Variants in FAT2 observed in about 807,000 individuals in gnomAD.
FAT2 encodes protocadherin Fat 2.
FAT2 carries 150 observed loss-of-function variants against 295.3 expected under a neutral mutation model. The observed-to-expected ratio is 0.51, with a 90% CI of 0.44 to 0.58. The LOEUF (loss-of-function observed/expected upper bound fraction) is 0.58, where lower values mean the gene tolerates loss of function less well. Ranked by LOEUF, FAT2 falls within the 20% of genes least tolerant of loss-of-function variation. FAT2 has a pLI of 0.00. For missense variants in FAT2, 4,868 were observed against 5,442.7 expected (o/e 0.89, Z 3.32); for synonymous variants, 2,026 against 2,150.3 (o/e 0.94, Z 1.60).
chr5:151,594,265 C>A (rs1440215014), upstream of FAT2, among the ~76,000 whole-genome samples: 1 of 152,190 alleles, frequency 6.6e-6, no homozygotes, highest in Non-Finnish European at 1.5e-5. Flanking sequence ...CCTCACAACC[C>A]CTGTGTGACC....
intron 5 of FAT2, 85 bp downstream of exon 5, chr5:151,554,277 G>A: frequency 4.8e-6 from 6 of 1,257,624 alleles, no homozygotes; most frequent in Admixed American, 2.2e-5. Context: ...ATGCTGGTGG[G>A]CTGTCTCCCT....
chr5:151,550,189 G>C (rs1757054365), intron 8 of FAT2, among the ~76,000 whole-genome samples: 1 of 152,196 alleles, frequency 6.6e-6, no homozygotes, highest in Non-Finnish European at 1.5e-5. Flanking sequence ...GGCCCAGAGA[G>C]TGAGCCCTCC....
rs2127590804 is a variant in FAT2 at position 151,531,530 on chromosome 5, A to G, written c.9811+57T>C. Reference sequence around the variant, plus strand: ...AGATACCCACACAGGGGAGGAACCCAGCGCTCCCAGAAACCCTGTACGCGA... The same window carrying G: ...AGATACCCACACAGGGGAGGAACCCGGCGCTCCCAGAAACCCTGTACGCGA... On this transcript the variant is annotated intron_variant, in intron 14 of 23. Transcript: ENST00000261800. This position sits in a 1 kb window ranked among gnomAD's most constrained non-coding sequence, Gnocchi z 5.7. 1 of 1,599,726 alleles carries G rather than the reference A, an allele frequency of 6.3e-7. No individual in the cohort carries two copies. Among genetic ancestry groups the G allele is most frequent in the Middle Eastern group, 2.3e-4 (1 of 4,384 alleles).
intron 5 of FAT2, 64 bp from the exon 6 acceptor site, chr5:151,553,451 A>C: frequency 6.8e-7 from 1 of 1,459,856 alleles, no homozygotes; most frequent in Admixed American, 1.8e-5. Flanking sequence ...CCAAGCAGCC[A>C]GGACAGGAAC....
chr5:151,505,727 C>T lies in FAT2; in HGVS notation c.12888G>A (p.Lys4296=). ...CTCGGCTGAGGCGCATACCCACCCCCTTGTAGCCCCCGTCTGCCAGGCAGG... is the reference window on the plus strand; with the variant it reads ...CTCGGCTGAGGCGCATACCCACCCCTTTGTAGCCCCCGTCTGCCAGGCAGG... The part of the protein sequence containing the change: ...GGPCLADGGY[K]GVGMRLSRAG... The change falls in exon 24 of 24, where the codon AAG becomes AAA. Residue 4296 remains lysine (K), a synonymous_variant. Transcript: ENST00000261800. 1 of 1,613,954 alleles carries T rather than the reference C, an allele frequency of 6.2e-7. No homozygotes were observed. The highest frequency in any genetic ancestry group is 1.1e-5 in the South Asian group (1 of 91,082).
At position 151,553,357 on chromosome 5, in the gene FAT2, G is replaced by A. The variant is rs146280178; in HGVS notation, c.3976C>T (p.Leu1326Phe). The A allele has an allele frequency of 4.4e-4, 713 of 1,614,262 alleles. 6 individuals are homozygous for A. The African/African-American group carries it at 7.5e-3, about 17-fold the overall frequency. The change falls in exon 6 of 24, where the codon CTC becomes TTC. Residue 1326 changes from leucine to phenylalanine, a missense_variant. Leu to Phe is a conservative substitution (Grantham distance 22). Coordinates refer to ENST00000261800, the MANE Select transcript of FAT2 (RefSeq NM_001447.3). ...ATGTGTAGCCGGACACTGGCTGAGA[G>A]TGGTGGCTGCCCACTGTCTGTTGCC... ...IKATDSGQPP[L>F]SASVRLHIEW...
rs531429636 is a variant in FAT2 at position 151,544,275 on chromosome 5, G to A, written c.6852C>T (p.Gly2284=). 2.5e-6 allele frequency: 4 copies of A among 1,614,228 alleles called. No homozygotes were observed. The African/African-American group carries it at 5.3e-5, about 22-fold the overall frequency. ...QLVYTTSISE[G]LPAQTPVIQL... is the part of the protein sequence containing the mutation. ...GGATCACAGGGGTCTGAGCAGGCAA[G>A]CCTTCTGAGATGGAAGTGGTATAGA... The change falls in exon 10 of 24, where the codon GGC becomes GGT. Residue 2284 remains glycine (G), a synonymous_variant. Transcript: ENST00000261800.
chr5:151,581,852 A>G (rs1322863959), intron 1 of FAT2, among the ~76,000 whole-genome samples: 1 of 152,234 alleles, frequency 6.6e-6, no homozygotes, highest in Non-Finnish European at 1.5e-5. Flanking sequence ...CAGGGATCAC[A>G]TAACCTCAGA....
chr5:151,534,529 C>A lies in FAT2; in HGVS notation c.9307G>T (p.Val3103Leu). The change falls in exon 13 of 24, where the codon GTG becomes TTG. Residue 3103 changes from valine to leucine, a missense_variant. This residue lies in a region of FAT2 where 1,046 missense variants were observed against 1,210.1 expected (regional missense o/e 0.86). Transcript: ENST00000261800. ...RSCQADITLH[V>L]EDVNDNAPRF... ...GGGGCATTGTCATTCACATCCTCCA[C>A]ATGGAGGGTGATGTCTGCCTGGCAC... The A allele has an allele frequency of 6.2e-7, 1 of 1,614,054 alleles. No homozygotes were observed. The highest frequency in any genetic ancestry group is 8.5e-7 in the Non-Finnish European group (1 of 1,179,918).
At position 151,566,708 on chromosome 5, in the gene FAT2, G is replaced by A. The variant is rs759550949; in HGVS notation, c.2224C>T (p.Pro742Ser). 1.4e-5 allele frequency: 23 copies of A among 1,613,992 alleles called. No homozygotes were observed. The highest frequency in any genetic ancestry group is 1.6e-5 in the Non-Finnish European group (19 of 1,180,026). ...AGTTTGCCATTAAAACCAGCATCAGGGTCAGTGGCTGCTAGGCGGGCCAAG... is the reference window on the plus strand; with the variant it reads ...AGTTTGCCATTAAAACCAGCATCAGAGTCAGTGGCTGCTAGGCGGGCCAAG... ...TPLARLAATD[P>S]DAGFNGKLVY... is the part of the protein sequence containing the mutation. The change falls in exon 2 of 24, where the codon CCT (proline) becomes TCT (serine). Residue 742 changes from proline (P) to serine (S), a missense_variant. By Grantham distance (74) the Pro-to-Ser change is moderately conservative. Coordinates refer to ENST00000261800, the MANE Select transcript of FAT2 (RefSeq NM_001447.3).
intron 18 of FAT2, among the ~76,000 whole-genome samples, chr5:151,524,336 T>C (rs1753781173): frequency 6.6e-6 from 1 of 152,244 alleles, no homozygotes; most frequent in South Asian, 2.1e-4. Flanking sequence ...ACTCTATGTT[T>C]GTGTCCCCTC....
chr5:151,518,368 A>ATTATTATT lies in FAT2; in HGVS notation c.11318-604_11318-603insAATAATAA, dbSNP rs775348701. On this transcript the variant is annotated intron_variant, in intron 19 of 23. Transcript: ENST00000261800. ...TGTCTCTAATAATAATAATAATAAT[A>ATTATTATT]ATAATAATTTTTAAAAGAAAGTAAA... Among the ~76,000 whole-genome samples, 21 of 82,414 alleles carry ATTATTATT rather than the reference A, an allele frequency of 2.5e-4. No homozygotes were observed. In the South Asian group the frequency reaches 9.9e-3, roughly 39 times the overall value. The allele number at this position is 82,414 out of a possible 152,430, so 54.1% of individuals were successfully genotyped here. A position where few individuals can be genotyped will look rare whatever the true frequency, so the allele number is the denominator to read the frequency against.
At chr5:151,574,095 G>A (rs1758650059) in intron 1 of FAT2, among the ~76,000 whole-genome samples, 1 of 152,120 alleles carries the variant, frequency 6.6e-6, no homozygotes, top group South Asian at 2.1e-4. Flanking sequence ...GGCAGCGAAG[G>A]GATTTCCTCT....
chr5:151,533,527 G>A (rs972662711), intron 13 of FAT2, among the ~76,000 whole-genome samples: 4 of 151,444 alleles, frequency 2.6e-5, no homozygotes, highest in African/African-American at 7.3e-5. Context: ...CTCCTTCAAT[G>A]CCAAGCTAAA....
chr5:151,509,446 G>C (rs1431563820), intron 22 of FAT2: 1 of 153,024 alleles, frequency 6.5e-6, no homozygotes, highest in Non-Finnish European at 1.5e-5. Flanking sequence ...GAGCCGAGCT[G>C]CACAGCAGGA....
chr5:151,514,857 T>C (rs1029383715), intron 20 of FAT2, among the ~76,000 whole-genome samples: 2 of 152,194 alleles, frequency 1.3e-5, no homozygotes, highest in Non-Finnish European at 2.9e-5. Context: ...GTCTACTGAT[T>C]CTCCTTCCTC....
rs182620842 is a variant in FAT2 at position 151,511,472 on chromosome 5, G to A, written c.11905+693C>T. The A allele has an allele frequency of 7.2e-3, 1,104 of 152,374 alleles. 12 individuals carry two copies. Among genetic ancestry groups the A allele is most frequent in the Middle Eastern group, 0.014 (4 of 294 alleles). 9.4% of individuals were successfully genotyped at this position (152,374 alleles called of 1,614,324 possible). On this transcript the variant is annotated intron_variant, in intron 21 of 23. Coordinates refer to ENST00000261800, the MANE Select transcript of FAT2 (RefSeq NM_001447.3). ...GTGAGCCTGTGACTTCCACCCCTGG[G>A]TGTCGGGTGTGTGTGTGTGAAGGAA...
At position 151,506,082 on chromosome 5, in the gene FAT2, G is replaced by A; in HGVS notation, c.12533C>T (p.Ala4178Val). The change falls in exon 24 of 24, where the codon GCC becomes GTC. Residue 4178 changes from alanine (A) to valine (V), a missense_variant. Ala to Val is a moderately conservative substitution (Grantham distance 64, BLOSUM62 0). Coordinates refer to ENST00000261800, the MANE Select transcript of FAT2 (RefSeq NM_001447.3). ...GGAGTAAGTAGGGGGCCAGACCATG[G>A]CTCCGCCAGGGTACACTGAAAGGGA... ...SSEEMVYPGG[A>V]MVWPPTYSRN... 1 of 1,523,274 alleles carries A rather than the reference G, an allele frequency of 6.6e-7. No individual in the cohort carries two copies. Among genetic ancestry groups the A allele is most frequent in the Non-Finnish European group, 8.7e-7 (1 of 1,144,872 alleles). 94.4% of individuals were successfully genotyped at this position (1,523,274 alleles called of 1,614,324 possible).
intron 3 of FAT2, among the ~76,000 whole-genome samples, chr5:151,561,363 A>G (rs896166741): frequency 6.6e-6 from 1 of 152,020 alleles, no homozygotes; most frequent in African/African-American, 2.4e-5. Flanking sequence ...ATGACTTTGT[A>G]GGACACAGCA....
Sources: gnomAD v4.1 joint callset for allele counts (sites outside exome capture counted in the v4.1 genomes callset) on GRCh38, gnomAD v4.1.1 for gene constraint, gnomAD v4.1.1 regional missense constraint, Gnocchi (gnomAD v3.1) non-coding constraint, MANE v1.5 for transcripts, NCBI Gene and HGNC (gene_info 2026-07-23, HGNC 2026-07-21) for gene names.